The following GPC6 variants were observed in gnomAD, a reference collection of about 807,000 sequenced individuals.
GPC6 encodes the protein glypican-6.
GPC6 carries 14 observed loss-of-function variants against 55.2 expected under a neutral mutation model. That is an observed-to-expected ratio of 0.25 (90% CI 0.17 to 0.40). The LOEUF is 0.40. GPC6 is among the 10% of genes least tolerant of loss of function. The pLI is 1.00. For missense variants in GPC6, 641 were observed against 708.5 expected (o/e 0.90, Z 1.08); for synonymous variants, 278 against 259.6 (o/e 1.07, Z -0.68).
chr13:93,427,618 A>G (rs542703449), intron 1 of GPC6, among the ~76,000 whole-genome samples: 5 of 152,306 alleles, frequency 3.3e-5, no homozygotes, highest in East Asian at 1.9e-4. Context: ...ATTTCCTATT[A>G]TCACATTATC....
intron 2 of GPC6, among the ~76,000 whole-genome samples, chr13:93,793,509 A>G (rs1886109367): frequency 2.0e-5 from 3 of 152,152 alleles, no homozygotes; most frequent in South Asian, 4.1e-4. Context: ...CCATGCTAAG[A>G]TTATGAATTA....
intron 1 of GPC6, among the ~76,000 whole-genome samples, chr13:93,356,075 G>A (rs767213): frequency 6.9e-4 from 105 of 152,240 alleles, no homozygotes; most frequent in African/African-American, 2.5e-3. Flanking sequence ...TCCAAGGCAT[G>A]TACAAGTAGG....
At chr13:93,940,758 T>A (rs1434116471) in intron 3 of GPC6, among the ~76,000 whole-genome samples, 1 of 152,162 alleles carries the variant, frequency 6.6e-6, no homozygotes, top group Non-Finnish European at 1.5e-5. Flanking sequence ...ATAAAAGTGT[T>A]GTGATTTATA....
At chr13:93,831,533 A>G (rs947937341) in intron 3 of GPC6, among the ~76,000 whole-genome samples, 14 of 149,206 alleles carry the variant, frequency 9.4e-5, no homozygotes, top group Admixed American at 8.7e-4. Context: ...TTTCATAACT[A>G]TTGGTACTGT....
intron 6 of GPC6, among the ~76,000 whole-genome samples, chr13:94,362,202 G>A (rs1203810972): frequency 6.6e-6 from 1 of 152,146 alleles, no homozygotes; most frequent in Non-Finnish European, 1.5e-5. Flanking sequence ...TTAACTTAGA[G>A]TAAAAGGACC....
intron 2 of GPC6, among the ~76,000 whole-genome samples, chr13:93,588,297 A>C (rs1477280996): frequency 6.6e-6 from 1 of 152,218 alleles, no homozygotes; most frequent in Non-Finnish European, 1.5e-5. Context: ...TCTCCAAATA[A>C]AATTTGAAAA....
intron 1 of GPC6, among the ~76,000 whole-genome samples, chr13:93,316,314 A>G (rs1399124389): frequency 6.6e-6 from 1 of 152,066 alleles, no homozygotes; most frequent in Non-Finnish European, 1.5e-5. Context: ...ATTCATGGCT[A>G]GTTTTCCTAA....
At chr13:94,389,081 CA>C (rs1283645431) in intron 7 of GPC6, among the ~76,000 whole-genome samples, 20 of 152,172 alleles carry the variant, frequency 1.3e-4, no homozygotes, top group African/African-American at 4.3e-4. Context: ...CTTACCTAAG[CA>C]ACTTCTCAGG....
intron 4 of GPC6, among the ~76,000 whole-genome samples, chr13:94,051,578 C>T (rs962115607): frequency 2.6e-5 from 4 of 151,982 alleles, no homozygotes; most frequent in African/African-American, 7.2e-5. Context: ...GTGTTCAAAA[C>T]GTATCCATTA....
At chr13:93,889,474 A>C (rs924407472) in intron 3 of GPC6, among the ~76,000 whole-genome samples, 4 of 152,118 alleles carry the variant, frequency 2.6e-5, no homozygotes, top group African/African-American at 9.7e-5. Context: ...TGGAAAGGAA[A>C]CAAGTATTTT....
At chr13:93,631,899 T>C (rs1879458866) in intron 2 of GPC6, among the ~76,000 whole-genome samples, 1 of 152,210 alleles carries the variant, frequency 6.6e-6, no homozygotes, top group Non-Finnish European at 1.5e-5. Flanking sequence ...ATGTGCCTTC[T>C]GGGATTTTCT....
At chr13:94,320,076 A>G (rs1287459170) in intron 6 of GPC6, among the ~76,000 whole-genome samples, 2 of 152,166 alleles carry the variant, frequency 1.3e-5, no homozygotes, top group Non-Finnish European at 2.9e-5. Context: ...CATTCAGAAT[A>G]ATGTATTTAG....
intron 2 of GPC6, among the ~76,000 whole-genome samples, chr13:93,795,960 G>A (rs572046474): frequency 6.6e-6 from 1 of 151,936 alleles, no homozygotes; most frequent in Non-Finnish European, 1.5e-5. Flanking sequence ...CTGTAGTCCA[G>A]GTCACTTGAG....
At chr13:93,869,122 C>T (rs1457308140) in intron 3 of GPC6, among the ~76,000 whole-genome samples, 3 of 151,814 alleles carry the variant, frequency 2.0e-5, no homozygotes, top group Admixed American at 1.3e-4. Flanking sequence ...TAATACTGCA[C>T]ACCATCTGCT....
At chr13:94,138,886 T>A (rs934204085) in intron 4 of GPC6, among the ~76,000 whole-genome samples, 17 of 152,066 alleles carry the variant, frequency 1.1e-4, no homozygotes, top group African/African-American at 4.1e-4. Context: ...ATGTTCCTCA[T>A]TCTGAATTAA....
At chr13:94,347,839 C>G (rs935499163) in intron 6 of GPC6, among the ~76,000 whole-genome samples, 1 of 152,186 alleles carries the variant, frequency 6.6e-6, no homozygotes. Flanking sequence ...GCATAACAAC[C>G]ATGTTTGGGA....
chr13:93,373,374 C>A (rs1874751350), intron 1 of GPC6, among the ~76,000 whole-genome samples: 1 of 152,308 alleles, frequency 6.6e-6, no homozygotes, highest in Admixed American at 6.5e-5. Flanking sequence ...TTAATAGCTT[C>A]CTGGTAGGGC....
Position 93,927,084 on chromosome 13 carries a change from T to C in GPC6, c.711+96539T>C, listed in dbSNP as rs114703679. On this transcript the variant is annotated intron_variant, in intron 3 of 8. Transcript: ENST00000377047. ...TGTCCACAGCCTGTTTTATGTGATG[T>C]GCTGTACGAAATAGATTAATGTTTC... Among the ~76,000 whole-genome samples, 695 of 152,294 alleles carry C rather than the reference T, an allele frequency of 4.6e-3. 5 individuals carry two copies. The highest frequency in any genetic ancestry group is 0.016 in the African/African-American group (669 of 41,562).
chr13:93,735,311 G>A (rs887054566), intron 2 of GPC6, among the ~76,000 whole-genome samples: 115 of 152,070 alleles, frequency 7.6e-4, no homozygotes, highest in Non-Finnish European at 1.5e-3. Flanking sequence ...GAGGTGGGTG[G>A]ATCACGAGGT....
Sources: allele counts gnomAD v4.1 joint callset (sites outside exome capture counted in the v4.1 genomes callset), GRCh38; gene constraint gnomAD v4.1.1; transcripts MANE v1.5; gene names NCBI Gene and HGNC (gene_info 2026-07-23, HGNC 2026-07-21).